GALNT13: variants seen among roughly 807,000 people sequenced by gnomAD.
GALNT13 encodes UDP-GalNAc:polypeptide N-acetylgalactosaminyltransferase 13.
Under a neutral mutation model 64.2 loss-of-function variants are expected in GALNT13, and 28 were observed. The observed-to-expected ratio is 0.44, with a 90% CI of 0.32 to 0.60. The LOEUF (loss-of-function observed/expected upper bound fraction) is 0.60. GALNT13 is among the 20% of genes least tolerant of loss of function. The pLI is 0.05. For missense variants in GALNT13, 577 were observed against 669.8 expected, an observed-to-expected ratio of 0.86 and a Z score of 1.53; for synonymous variants, 214 against 224.6, an observed-to-expected ratio of 0.95 and a Z score of 0.42.
chr2:153,362,894 T>G, the GALNT13 span, among the ~76,000 whole-genome samples: 1 of 152,144 alleles, frequency 6.6e-6, no homozygotes, highest in Non-Finnish European at 1.5e-5. Context: ...CTAAGAGACA[T>G]CTACAGAACT....
At chr2:153,172,772 A>G in the GALNT13 span, among the ~76,000 whole-genome samples, 2 of 152,354 alleles carry the variant, frequency 1.3e-5, no homozygotes, top group African/African-American at 2.4e-5. Flanking sequence ...ACAGATTCAG[A>G]TAATACCTTG....
intron 3 of GALNT13, among the ~76,000 whole-genome samples, chr2:154,068,649 A>G (rs1700590376): frequency 6.6e-6 from 1 of 152,012 alleles, no homozygotes; most frequent in African/African-American, 2.4e-5. Context: ...CCATATTCTC[A>G]CTTATTTGTG....
chr2:153,186,111 C>G, the GALNT13 span, among the ~76,000 whole-genome samples: 2 of 151,952 alleles, frequency 1.3e-5, no homozygotes, highest in African/African-American at 4.8e-5. Context: ...TTGTAGGTCT[C>G]TAAGAATTTC....
chr2:153,866,878 T>C, the GALNT13 span, among the ~76,000 whole-genome samples: 2 of 152,210 alleles, frequency 1.3e-5, no homozygotes, highest in African/African-American at 4.8e-5. Flanking sequence ...AGAAAGATTG[T>C]AAACATTTGC....
the GALNT13 span, among the ~76,000 whole-genome samples, chr2:153,448,491 A>T: frequency 4.6e-5 from 7 of 152,162 alleles, no homozygotes; most frequent in Non-Finnish European, 1.0e-4. Context: ...CTGGTGATAA[A>T]TTAGACATTT....
At chr2:153,535,300 G>T in the GALNT13 span, among the ~76,000 whole-genome samples, 100 of 152,304 alleles carry the variant, frequency 6.6e-4, no homozygotes, top group Admixed American at 1.9e-3. Flanking sequence ...CAGGATATCT[G>T]ATTAGAGAGT....
the GALNT13 span, among the ~76,000 whole-genome samples, chr2:153,814,839 C>A: frequency 6.6e-6 from 1 of 152,282 alleles, no homozygotes; most frequent in South Asian, 2.1e-4. Context: ...ATGTATTATT[C>A]TAAAACACAG....
At chr2:153,968,194 AT>A (rs1693502495) in intron 3 of GALNT13, among the ~76,000 whole-genome samples, 1 of 152,122 alleles carries the variant, frequency 6.6e-6, no homozygotes, top group Non-Finnish European at 1.5e-5. Context: ...ACTCAAAGTT[AT>A]TTGGAGCCCC....
the GALNT13 span, among the ~76,000 whole-genome samples, chr2:153,368,875 C>A: frequency 2.6e-5 from 4 of 151,262 alleles, no homozygotes; most frequent in East Asian, 7.8e-4. Flanking sequence ...ACATACTTTA[C>A]TTTAAATTGT....
At chr2:154,057,287 C>G (rs969615836) in intron 3 of GALNT13, among the ~76,000 whole-genome samples, 1 of 152,124 alleles carries the variant, frequency 6.6e-6, no homozygotes, top group African/African-American at 2.4e-5. Flanking sequence ...CCTCGGCCCC[C>G]CAAAGTGGTG....
chr2:153,821,462 G>C, the GALNT13 span, among the ~76,000 whole-genome samples: 1 of 151,996 alleles, frequency 6.6e-6, no homozygotes, highest in Non-Finnish European at 1.5e-5. Flanking sequence ...ACAATTACAT[G>C]CAAATTAAAC....
At chr2:154,172,368 A>T (rs1218010301) in intron 4 of GALNT13, among the ~76,000 whole-genome samples, 1 of 151,872 alleles carries the variant, frequency 6.6e-6, no homozygotes, top group Non-Finnish European at 1.5e-5. Context: ...TTCCCTACTA[A>T]TGTATCTAAC....
In GALNT13 at chr2:154,288,645, T is replaced by C. The variant is rs899884466; in HGVS notation, c.976-12764T>C. Among the ~76,000 whole-genome samples, 7 of 152,318 alleles carry C rather than the reference T, an allele frequency of 4.6e-5. No individual in the cohort carries two copies. In the East Asian group the frequency reaches 9.7e-4, roughly 21 times the overall value. On this transcript the variant is annotated intron_variant, in intron 8 of 12. Coordinates refer to ENST00000392825, the MANE Select transcript of GALNT13 (RefSeq NM_052917.4). ...CAAATGAAGAGGCCTACAGGCTTCA[T>C]GCAAGTCTGAGATCCAGTGGGGCAG...
chr2:154,067,938 A>G (rs1283716799), intron 3 of GALNT13, among the ~76,000 whole-genome samples: 2 of 78,660 alleles, frequency 2.5e-5, no homozygotes, highest in Non-Finnish European at 6.6e-5. Flanking sequence ...AACCCACAGA[A>G]TGGAAGTATT....
In GALNT13 at chr2:154,242,797, T is replaced by C. The variant is rs780716644; in HGVS notation, c.578T>C (p.Leu193Pro). ...CGCTCTGGGTTAATACGTGCCCGTC[T>C]TCGAGGAGCAGCTGCTTCAAAAGGG... is the stretch of plus-strand genomic sequence containing the variant. ...EERSGLIRARLRGAAASKGQV... is the reference protein window; with the variant it reads ...EERSGLIRARPRGAAASKGQV... The change falls in exon 6 of 13, where the codon CTT (leucine) becomes CCT (proline). Residue 193 changes from leucine (L) to proline (P), a missense_variant. Transcript: ENST00000392825. 11 of 1,614,152 alleles carry C rather than the reference T, an allele frequency of 6.8e-6. No homozygotes were observed. The highest frequency in any genetic ancestry group is 9.3e-6 in the Non-Finnish European group (11 of 1,179,960).
the GALNT13 span, among the ~76,000 whole-genome samples, chr2:153,800,400 A>G: frequency 6.6e-6 from 1 of 152,276 alleles, no homozygotes; most frequent in East Asian, 1.9e-4. Flanking sequence ...CTTACTGATC[A>G]GGGTGGTGGC....
the GALNT13 span, among the ~76,000 whole-genome samples, chr2:153,429,020 C>T: frequency 5.9e-5 from 9 of 152,262 alleles, no homozygotes; most frequent in Non-Finnish European, 1.2e-4. Context: ...ATTCTAGTAA[C>T]CCCTTTCTTA....
At chr2:153,464,592 A>G in the GALNT13 span, among the ~76,000 whole-genome samples, 1,281 of 152,192 alleles carry the variant, frequency 8.4e-3, 11 homozygotes, top group Non-Finnish European at 0.012. Context: ...ACAGGACATA[A>G]AATTATATTA....
At chr2:153,755,266 GT>G in the GALNT13 span, among the ~76,000 whole-genome samples, 1 of 152,004 alleles carries the variant, frequency 6.6e-6, no homozygotes, top group African/African-American at 2.4e-5. Context: ...GACAGGAGAG[GT>G]TTCTCTTCTG....
Sources: gnomAD v4.1 joint callset for allele counts (sites outside exome capture counted in the v4.1 genomes callset) on GRCh38, gnomAD v4.1.1 for gene constraint, MANE v1.5 for transcripts, NCBI Gene and HGNC (gene_info 2026-07-23, HGNC 2026-07-21) for gene names.